The following SBK1 variants were observed in gnomAD, a reference collection of about 807,000 sequenced individuals.
SBK1 encodes SH3 domain binding kinase 1, also known as serine/threonine-protein kinase SBK1.
A neutral mutation model predicts 24.4 loss-of-function variants in SBK1; 11 were observed. That is an observed-to-expected ratio of 0.45 (90% CI 0.28 to 0.75). The LOEUF is 0.75. Ranked by LOEUF, SBK1 falls within the 30% of genes least tolerant of loss-of-function variation. The pLI is 0.12. For missense variants in SBK1, 467 were observed against 620.5 expected, an observed-to-expected ratio of 0.75 and a Z score of 2.63; for synonymous variants, 308 against 284.4, an observed-to-expected ratio of 1.08 and a Z score of -0.83.
chr16:28,292,492 G>A, upstream of SBK1: 2 of 971,558 alleles, frequency 2.1e-6, no homozygotes, highest in South Asian at 9.2e-5. Context: ...GGGCCGGGCG[G>A]GCAGGTGCGC....
chr16:28,263,784 A>T (rs557584815), intron 1 of SBK1, among the ~76,000 whole-genome samples: 1 of 152,166 alleles, frequency 6.6e-6, no homozygotes, highest in Non-Finnish European at 1.5e-5. Flanking sequence ...TGGAGGTCAC[A>T]GTGGTGAGCG....
chr16:28,285,032 G>A (rs1367933461), intron 1 of SBK1: 4 of 152,366 alleles, frequency 2.6e-5, no homozygotes, highest in African/African-American at 9.6e-5. Flanking sequence ...CTGCAGCCTT[G>A]ACTTTGTGGG....
chr16:28,274,966 T>G (rs777114457), intron 1 of SBK1, among the ~76,000 whole-genome samples: 3 of 152,112 alleles, frequency 2.0e-5, no homozygotes, highest in Non-Finnish European at 4.4e-5. Context: ...AAACATGGTA[T>G]GTAGGAAATG....
rs1260823877 is a variant in SBK1, at chr16:28,320,416, C to T, written c.770C>T (p.Ser257Leu). ...GGCAACTTCCCGTGGGAGGCGGCGT[C>T]GGGCGCCGACGCCTTCTTCGAGGAG... is the stretch of plus-strand genomic sequence containing the variant. ...LTGNFPWEAA[S>L]GADAFFEEFV... Residue 257 changes from serine to leucine, a missense_variant, in exon 4 of 4, where the codon TCG becomes TTG. This residue lies in a region of SBK1 where 86 missense variants were observed against 121.7 expected (regional missense o/e 0.71). Transcript: ENST00000341901. The surrounding 1 kb of genome is among the most constrained non-coding windows in gnomAD (Gnocchi z 8.5). 1.7e-5 allele frequency: 27 copies of T among 1,588,622 alleles called. No homozygotes were observed. Among genetic ancestry groups the T allele is most frequent in the African/African-American group, 2.7e-5 (2 of 74,324 alleles).
At chr16:28,277,437 G>A (rs947326349) in intron 1 of SBK1, among the ~76,000 whole-genome samples, 4 of 152,112 alleles carry the variant, frequency 2.6e-5, no homozygotes, top group African/African-American at 9.7e-5. Context: ...AGTGCTTTGG[G>A]AGGCCCAGGC....
chr16:28,302,788 G>A (rs2044687945), intron 1 of SBK1, among the ~76,000 whole-genome samples: 2 of 152,198 alleles, frequency 1.3e-5, no homozygotes, highest in African/African-American at 4.8e-5. Context: ...CCAGGCACAT[G>A]TTAGCAGCTG....
Position 28,322,798 on chromosome 16 carries a change from C to T in SBK1, c.*1877C>T, listed in dbSNP as rs1956508939. The T allele has an allele frequency of 1.3e-5, 2 of 152,770 alleles. No homozygotes were observed. Among genetic ancestry groups the T allele is most frequent in the South Asian group, 4.1e-4 (2 of 4,824 alleles). The allele number at this position is 152,770 out of a possible 1,614,324, so 9.5% of individuals were successfully genotyped here. On this transcript the variant is annotated 3_prime_UTR_variant, in exon 4 of 4. Transcript: ENST00000341901. Reference sequence around the variant, plus strand: ...CCTGGAGCCCATCGGGGCTGCCTCTCCCAGCCGCGACTTCTCCTTTTGCCT... The same window carrying T: ...CCTGGAGCCCATCGGGGCTGCCTCTTCCAGCCGCGACTTCTCCTTTTGCCT...
At chr16:28,278,996 C>A (rs1168608836) in intron 1 of SBK1, among the ~76,000 whole-genome samples, 1 of 152,024 alleles carries the variant, frequency 6.6e-6, no homozygotes, top group East Asian at 1.9e-4. Flanking sequence ...GAGGCCAAGG[C>A]GGGTGGATCA....
At chr16:28,267,549 G>C (rs1223048732) in intron 1 of SBK1, among the ~76,000 whole-genome samples, 1 of 152,194 alleles carries the variant, frequency 6.6e-6, no homozygotes, top group Non-Finnish European at 1.5e-5. Context: ...ATGTTTGCAG[G>C]GGGCCATTGT....
chr16:28,283,396 C>G (rs1483273698), intron 1 of SBK1, among the ~76,000 whole-genome samples: 1 of 152,130 alleles, frequency 6.6e-6, no homozygotes, highest in Admixed American at 6.6e-5. Context: ...CAAGGATTCT[C>G]TCTTTACCTC....
rs2044825813 is a variant in SBK1, at chr16:28,319,907, G to A, written c.430-169G>A. On this transcript the variant is annotated intron_variant, in intron 3 of 3. Transcript: ENST00000341901. This position sits in a 1 kb window ranked among gnomAD's most constrained non-coding sequence, Gnocchi z 4.0. ...ACTATGAGGATTGGATGAGACAGCG[G>A]GGGAAAGGGCGCTCAGCAGCATCCG... Among the ~76,000 whole-genome samples, 1 of 152,190 alleles carries A rather than the reference G, an allele frequency of 6.6e-6. No individual in the cohort carries two copies. Among genetic ancestry groups the A allele is most frequent in the South Asian group, 2.1e-4 (1 of 4,834 alleles).
At chr16:28,294,785 C>G (rs968883697) in intron 1 of SBK1, among the ~76,000 whole-genome samples, 3 of 152,240 alleles carry the variant, frequency 2.0e-5, no homozygotes, top group African/African-American at 7.2e-5. Context: ...ATGTGACCAG[C>G]TGGAGACGAG....
At chr16:28,304,616 GT>G (rs1054324603) in intron 1 of SBK1, among the ~76,000 whole-genome samples, 2 of 150,588 alleles carry the variant, frequency 1.3e-5, no homozygotes, top group Non-Finnish European at 1.5e-5. Flanking sequence ...TTGTTTTTTT[GT>G]TTTTTTTTGA....
intron 1 of SBK1, among the ~76,000 whole-genome samples, chr16:28,313,434 A>T (rs1567679441): frequency 6.6e-6 from 1 of 151,846 alleles, no homozygotes. Flanking sequence ...CCATCTCTAC[A>T]AAAAATACAA....
At chr16:28,278,251 T>C (rs909593976) in intron 1 of SBK1, among the ~76,000 whole-genome samples, 2 of 152,190 alleles carry the variant, frequency 1.3e-5, no homozygotes, top group South Asian at 2.1e-4. Context: ...GAGATCGACT[T>C]TGGGGCAGGG....
rs960468080 is a variant in SBK1 at position 28,319,422 on chromosome 16, G to C, written c.429+225G>C. 2.0e-5 allele frequency among the ~76,000 whole-genome samples: 3 copies of C among 152,158 alleles called. No individual in the cohort carries two copies. The highest frequency in any genetic ancestry group is 4.4e-5 in the Non-Finnish European group (3 of 68,028). The stretch of plus-strand genomic sequence containing the variant: ...GCCAGATAATAACAGATGGAGATGA[G>C]TGCCTAAAAGGAGACAGTGAGAATG... On this transcript the variant is annotated intron_variant, in intron 3 of 3. Transcript: ENST00000341901. The surrounding 1 kb of genome is among the most constrained non-coding windows in gnomAD (Gnocchi z 4.0).
chr16:28,310,297 C>A (rs1200751227), intron 1 of SBK1, among the ~76,000 whole-genome samples: 2 of 152,242 alleles, frequency 1.3e-5, no homozygotes, highest in Non-Finnish European at 2.9e-5. Context: ...CTGCCTGGTG[C>A]TGGCAAGTTC....
upstream of SBK1, chr16:28,292,469 A>G (rs1282443965): frequency 2.4e-5 from 22 of 909,242 alleles, no homozygotes; most frequent in African/African-American, 1.4e-4. Flanking sequence ...CGCGAGCCGG[A>G]GGGCGGAGCC....
At chr16:28,282,885 C>T (rs1018916919) in intron 1 of SBK1, among the ~76,000 whole-genome samples, 6 of 151,818 alleles carry the variant, frequency 4.0e-5, no homozygotes, top group South Asian at 2.1e-4. Context: ...ACAGAGGAGA[C>T]GGTGTTTAAT....
Sources: allele counts gnomAD v4.1 joint callset (sites outside exome capture counted in the v4.1 genomes callset), GRCh38; gene constraint gnomAD v4.1.1; regional missense constraint gnomAD v4.1.1; non-coding constraint Gnocchi (gnomAD v3.1); transcripts MANE v1.5; gene names NCBI Gene and HGNC (gene_info 2026-07-23, HGNC 2026-07-21).